The following TBCCD1 variants were observed in gnomAD, a reference collection of about 807,000 sequenced individuals.
TBCCD1 encodes the protein TBCC domain containing 1, also known as TBCC domain-containing protein 1.
TBCCD1 carries 26 observed loss-of-function variants against 53.4 expected under a neutral mutation model. The ratio of observed to expected loss-of-function variants is 0.49; its 90% CI spans 0.36 to 0.68. TBCCD1 has a LOEUF of 0.68. TBCCD1 is among the 30% of genes least tolerant of loss of function. The pLI, the probability that TBCCD1 is intolerant of heterozygous loss-of-function variation, is 0.00. For missense variants in TBCCD1, 558 were observed against 669.5 expected, an observed-to-expected ratio of 0.83 and a Z score of 1.84; for synonymous variants, 245 against 241.7, an observed-to-expected ratio of 1.01 and a Z score of -0.13.
At chr3:186,549,874 AG>A (rs1478567654) in intron 7 of TBCCD1, among the ~76,000 whole-genome samples, 1 of 152,194 alleles carries the variant, frequency 6.6e-6, no homozygotes, top group African/African-American at 2.4e-5. Flanking sequence ...TGTGTCTCTA[AG>A]TATTTTTCTG....
At chr3:186,554,837 G>C (rs1041204059) in intron 5 of TBCCD1, 61 bp downstream of exon 5, 3 of 1,597,088 alleles carry the variant, frequency 1.9e-6, no homozygotes, top group Non-Finnish European at 2.6e-6. Context: ...GGCAAAAAAA[G>C]AATCAGTCAC....
At chr3:186,563,902 TA>T in intron 2 of TBCCD1, 91 bp downstream of exon 2, 2 of 1,420,144 alleles carry the variant, frequency 1.4e-6, no homozygotes, top group African/African-American at 1.4e-5. Context: ...TGTTTCTATC[TA>T]AAAATTGTAA....
upstream of TBCCD1, among the ~76,000 whole-genome samples, chr3:186,569,084 G>T (rs1198712367): frequency 6.6e-6 from 1 of 152,100 alleles, no homozygotes; most frequent in Middle Eastern, 3.4e-3. Context: ...CAGTGTTTCA[G>T]GCAAAGGCAA....
At chr3:186,559,801 C>A (rs894564055) in intron 2 of TBCCD1, among the ~76,000 whole-genome samples, 4 of 152,270 alleles carry the variant, frequency 2.6e-5, no homozygotes, top group African/African-American at 2.4e-5. Flanking sequence ...ACCCTTTACC[C>A]GCCTTGCCAA....
At chr3:186,566,786 G>A (rs952012200) in intron 1 of TBCCD1, among the ~76,000 whole-genome samples, 6 of 152,190 alleles carry the variant, frequency 3.9e-5, no homozygotes, top group Non-Finnish European at 5.9e-5. Flanking sequence ...TTCCAATGTG[G>A]AGAGACTGGA....
chr3:186,560,031 G>A (rs930687163), intron 2 of TBCCD1, among the ~76,000 whole-genome samples: 3 of 152,110 alleles, frequency 2.0e-5, no homozygotes, highest in African/African-American at 7.2e-5. Context: ...CATATAGTAT[G>A]TAACCTCTTG....
chr3:186,566,417 G>C (rs1329753464), intron 1 of TBCCD1, among the ~76,000 whole-genome samples: 1 of 152,060 alleles, frequency 6.6e-6, no homozygotes, highest in Non-Finnish European at 1.5e-5. Flanking sequence ...TATGTACCAG[G>C]TATCATGCTC....
chr3:186,549,198 GA>G (rs1214654994), intron 7 of TBCCD1, among the ~76,000 whole-genome samples: 2 of 152,144 alleles, frequency 1.3e-5, no homozygotes, highest in Non-Finnish European at 2.9e-5. Context: ...TGAGACAGGA[GA>G]ATCACTTGAA....
chr3:186,554,172 A>G (rs1013823153), intron 6 of TBCCD1, 82 bp downstream of exon 6: 1 of 1,566,432 alleles, frequency 6.4e-7, no homozygotes, highest in Non-Finnish European at 8.7e-7. Context: ...ACTTTAGCAC[A>G]GCTGTAAAAA....
At chr3:186,552,606 A>G (rs575062189) in intron 6 of TBCCD1, among the ~76,000 whole-genome samples, 1 of 152,304 alleles carries the variant, frequency 6.6e-6, no homozygotes, top group African/African-American at 2.4e-5. Flanking sequence ...CTTAGATATA[A>G]AAGTTATTAA....
At chr3:186,561,018 C>T (rs1254890143) in intron 2 of TBCCD1, among the ~76,000 whole-genome samples, 3 of 152,050 alleles carry the variant, frequency 2.0e-5, no homozygotes, top group Admixed American at 6.6e-5. Context: ...TGGTAAAACT[C>T]CTAGAGAAAA....
intron 6 of TBCCD1, among the ~76,000 whole-genome samples, chr3:186,552,919 G>A (rs1578965828): frequency 6.6e-6 from 1 of 152,132 alleles, no homozygotes; most frequent in African/African-American, 2.4e-5. Context: ...GAGGAAATGA[G>A]GAAAAGAACG....
At chr3:186,568,275 G>C (rs1714895072), upstream of TBCCD1, among the ~76,000 whole-genome samples, 1 of 152,082 alleles carries the variant, frequency 6.6e-6, no homozygotes, top group African/African-American at 2.4e-5. Context: ...CAAGGTCCTT[G>C]CTTTCTTGGA....
At chr3:186,556,857 T>C in intron 3 of TBCCD1, 82 bp from the exon 4 acceptor site, 1 of 1,462,582 alleles carries the variant, frequency 6.8e-7, no homozygotes. Flanking sequence ...TATTTTGTAT[T>C]TATACTCTGC....
chr3:186,553,851 CTT>C (rs796920451), intron 6 of TBCCD1, among the ~76,000 whole-genome samples: 2 of 146,784 alleles, frequency 1.4e-5, no homozygotes, highest in African/African-American at 2.5e-5. Flanking sequence ...AAACACATTA[CTT>C]TTTTTTTTTT....
chr3:186,555,148 T>C, intron 4 of TBCCD1, 64 bp from the exon 5 acceptor site: 1 of 1,479,712 alleles, frequency 6.8e-7, no homozygotes, highest in Non-Finnish European at 9.1e-7. Context: ...AACAAACATA[T>C]GAGGTTACAC....
At chr3:186,550,979 A>G (rs923909685) in intron 7 of TBCCD1, 150 bp downstream of exon 7, 51 of 697,194 alleles carry the variant, frequency 7.3e-5, no homozygotes, top group Non-Finnish European at 9.1e-5. Flanking sequence ...ACTATAAAAT[A>G]TGGTAAATAT....
At chr3:186,568,149 G>A (rs1006817455), upstream of TBCCD1, among the ~76,000 whole-genome samples, 7 of 152,134 alleles carry the variant, frequency 4.6e-5, no homozygotes, top group African/African-American at 1.7e-4. Flanking sequence ...ACATACCTGG[G>A]TTAGGATCCA....
intron 3 of TBCCD1, among the ~76,000 whole-genome samples, 156 bp from the exon 4 acceptor site, chr3:186,556,931 C>G (rs1156287295): frequency 2.6e-5 from 4 of 152,160 alleles, no homozygotes; most frequent in Non-Finnish European, 5.9e-5. Flanking sequence ...CCCGGCTTGG[C>G]CTCAGAATTT....
Sources: gnomAD v4.1 joint callset for allele counts (sites outside exome capture counted in the v4.1 genomes callset) on GRCh38, gnomAD v4.1.1 for gene constraint, MANE v1.5 for transcripts, NCBI Gene and HGNC (gene_info 2026-07-23, HGNC 2026-07-21) for gene names.